The following HIP1 variants were observed in gnomAD, a reference collection of about 807,000 sequenced individuals.
HIP1 encodes huntingtin interacting protein 1, also known as huntingtin-interacting protein 1.
A neutral mutation model predicts 147.6 loss-of-function variants in HIP1; 65 were observed. The ratio of observed to expected loss-of-function variants is 0.44; its 90% CI spans 0.36 to 0.54. HIP1 has a LOEUF of 0.54. HIP1 is among the 20% of genes least tolerant of loss of function. The pLI, the probability that HIP1 is intolerant of heterozygous loss-of-function variation, is 0.00. For missense variants in HIP1, 1,061 were observed against 1,299.6 expected (o/e 0.82, Z 2.82); for synonymous variants, 479 against 504.0 (o/e 0.95, Z 0.67).
At chr7:75,576,385 CTGTA>C (rs1795846603) in intron 7 of HIP1, among the ~76,000 whole-genome samples, 1 of 152,206 alleles carries the variant, frequency 6.6e-6, no homozygotes, top group African/African-American at 2.4e-5. Context: ...AATTGGTCTG[CTGTA>C]TGTTGGGATG....
intron 1 of HIP1, among the ~76,000 whole-genome samples, chr7:75,660,367 C>T (rs1457321178): frequency 6.8e-6 from 1 of 147,500 alleles, no homozygotes; most frequent in East Asian, 2.1e-4. Flanking sequence ...TTTCTACTAA[C>T]AATACAAAAA....
intron 1 of HIP1, among the ~76,000 whole-genome samples, chr7:75,686,784 C>T (rs1401534015): frequency 2.0e-5 from 3 of 151,870 alleles, no homozygotes; most frequent in African/African-American, 7.3e-5. Context: ...CTCTTAGCCT[C>T]CCAAGTGGCT....
intron 9 of HIP1, among the ~76,000 whole-genome samples, chr7:75,567,176 T>G (rs1157944135): frequency 1.3e-5 from 2 of 150,962 alleles, no homozygotes; most frequent in Non-Finnish European, 2.9e-5. Context: ...TTTTTGTTTT[T>G]TTTTTTTGAG....
intron 1 of HIP1, among the ~76,000 whole-genome samples, chr7:75,653,440 G>A (rs534108800): frequency 2.0e-5 from 3 of 150,952 alleles, no homozygotes; most frequent in South Asian, 2.1e-4. Context: ...ATTGCTTAAG[G>A]CCAGGAGTTC....
At chr7:75,544,922 T>G in intron 26 of HIP1, 122 bp from the exon 27 acceptor site, 1 of 763,152 alleles carries the variant, frequency 1.3e-6, no homozygotes, top group South Asian at 1.6e-5. Flanking sequence ...GCCTGCCCTG[T>G]GTCCCCTGGG....
At chr7:75,722,137 C>G (rs558860826) in intron 1 of HIP1, among the ~76,000 whole-genome samples, 1 of 151,984 alleles carries the variant, frequency 6.6e-6, no homozygotes, top group East Asian at 1.9e-4. Flanking sequence ...GACCCCCCCA[C>G]GTCTCTAAGA....
At chr7:75,559,674 GGGC>G (rs1163565771) in intron 14 of HIP1, 55 bp downstream of exon 14, 3 of 1,369,142 alleles carry the variant, frequency 2.2e-6, no homozygotes, top group Non-Finnish European at 2.9e-6. Flanking sequence ...GAGTCCAGCT[GGGC>G]TCTGCTGCCC....
chr7:75,636,024 C>CAA lies in HIP1; in HGVS notation c.121-36779_121-36778dup, dbSNP rs34434184. Among the ~76,000 whole-genome samples, 108 of 53,702 alleles carry CAA rather than the reference C, an allele frequency of 2.0e-3. 3 individuals are homozygous for CAA. The highest frequency in any genetic ancestry group is 8.1e-3 in the African/African-American group (90 of 11,160). The allele number at this position is 53,702 out of a possible 152,430, so 35.2% of individuals were successfully genotyped here. ...TGGGCAACAGAACAAGACCCTGTCT[C>CAA]AAAAAAAAAAAAAAAAAAAAAAAAA... On this transcript the variant is annotated intron_variant, in intron 1 of 30. Transcript: ENST00000336926.
chr7:75,673,974 A>G (rs1799808549), intron 1 of HIP1, among the ~76,000 whole-genome samples: 1 of 152,164 alleles, frequency 6.6e-6, no homozygotes, highest in Admixed American at 6.6e-5. Context: ...TGACAGAGCA[A>G]GAAAGACCCT....
intron 7 of HIP1, among the ~76,000 whole-genome samples, chr7:75,578,401 C>T (rs1795918638): frequency 6.6e-6 from 1 of 152,120 alleles, no homozygotes; most frequent in African/African-American, 2.4e-5. Context: ...GCAGGCTGGG[C>T]GTGGTGGCTC....
At chr7:75,669,482 A>G (rs1554515032) in intron 1 of HIP1, among the ~76,000 whole-genome samples, 1 of 152,176 alleles carries the variant, frequency 6.6e-6, no homozygotes, top group South Asian at 2.1e-4. Context: ...GAATCACTTG[A>G]ACCCGGGAGG....
At chr7:75,601,756 G>C (rs1395241524) in intron 1 of HIP1, among the ~76,000 whole-genome samples, 1 of 152,150 alleles carries the variant, frequency 6.6e-6, no homozygotes, top group Non-Finnish European at 1.5e-5. Flanking sequence ...TTGCGATGGA[G>C]ACCATGCGGC....
At chr7:75,597,828 C>T (rs1407372745) in intron 2 of HIP1, among the ~76,000 whole-genome samples, 2 of 151,444 alleles carry the variant, frequency 1.3e-5, no homozygotes, top group Non-Finnish European at 2.9e-5. Flanking sequence ...AGCTTAGCCA[C>T]CCCCCTGGCA....
intron 8 of HIP1, among the ~76,000 whole-genome samples, chr7:75,571,092 G>T (rs1795614313): frequency 6.6e-6 from 1 of 152,116 alleles, no homozygotes; most frequent in Non-Finnish European, 1.5e-5. Context: ...TCAGCCCAGA[G>T]GCAGTGTGGG....
At chr7:75,558,055 G>A in intron 15 of HIP1, 112 bp downstream of exon 15, 1 of 838,650 alleles carries the variant, frequency 1.2e-6, no homozygotes, top group South Asian at 1.4e-5. Context: ...TGACGGCAAT[G>A]CCTTAGAGAT....
chr7:75,611,487 A>G (rs1225952859), intron 1 of HIP1, among the ~76,000 whole-genome samples: 3 of 151,714 alleles, frequency 2.0e-5, no homozygotes, highest in Admixed American at 2.0e-4. Context: ...AAAAAGAAAA[A>G]AAAAAGTCCC....
chr7:75,696,508 T>A (rs1404500012), intron 1 of HIP1, among the ~76,000 whole-genome samples: 1 of 128,850 alleles, frequency 7.8e-6, no homozygotes, highest in Non-Finnish European at 1.7e-5. Flanking sequence ...TCCCTTCCCT[T>A]CTCCTCCCCT....
At chr7:75,589,566 C>G (rs1393913439) in intron 4 of HIP1, among the ~76,000 whole-genome samples, 2 of 151,110 alleles carry the variant, frequency 1.3e-5, no homozygotes, top group African/African-American at 4.9e-5. Flanking sequence ...CACTGTAATT[C>G]TAGCTACTCG....
At chr7:75,586,082 C>T (rs1372698929) in intron 5 of HIP1, among the ~76,000 whole-genome samples, 2 of 151,922 alleles carry the variant, frequency 1.3e-5, no homozygotes, top group Non-Finnish European at 2.9e-5. Context: ...CCATAATGCT[C>T]AGATTACAGG....
Sources: allele counts gnomAD v4.1 joint callset (sites outside exome capture counted in the v4.1 genomes callset), GRCh38; gene constraint gnomAD v4.1.1; transcripts MANE v1.5; gene names NCBI Gene and HGNC (gene_info 2026-07-23, HGNC 2026-07-21).